The following APBB2 variants were observed in gnomAD, a reference collection of about 807,000 sequenced individuals.
APBB2 encodes amyloid beta precursor protein binding family B member 2, also known as Fe65-like 1.
APBB2 carries 38 observed loss-of-function variants against 82.5 expected under a neutral mutation model. The ratio of observed to expected loss-of-function variants is 0.46; its 90% CI spans 0.36 to 0.60. The LOEUF is 0.60. Among genes scored for constraint, APBB2 ranks in the 20% least tolerant of loss-of-function variants. APBB2 has a pLI of 0.00. For synonymous variants in APBB2, 341 were observed against 368.2 expected, an observed-to-expected ratio of 0.93 and a Z score of 0.85; for missense variants, 772 against 972.3, an observed-to-expected ratio of 0.79 and a Z score of 2.74.
intron 10 of APBB2, among the ~76,000 whole-genome samples, chr4:40,919,232 A>G (rs4861331): frequency 0.15 from 22,127 of 152,286 alleles, 2,074 homozygotes; most frequent in Middle Eastern, 0.21. Context: ...AGGCACGCAC[A>G]TGCACTTACT....
At position 41,019,037 on chromosome 4, in the gene APBB2, G is replaced by C. The variant is rs1356566052; in HGVS notation, c.20-4639C>G. The stretch of plus-strand genomic sequence containing the variant: ...CCACTTGGATTCAGAAGTGAGGATT[G>C]AAGAGTCTGGTGAATTGAGTAATTA... On this transcript the variant is annotated intron_variant, in intron 5 of 17. Coordinates refer to ENST00000508593, the MANE Select transcript of APBB2 (RefSeq NM_004307.2). 2.0e-5 allele frequency among the ~76,000 whole-genome samples: 3 copies of C among 152,222 alleles called. No homozygotes were observed. In the East Asian group the frequency reaches 5.8e-4, roughly 29 times the overall value.
At chr4:40,947,021 C>A (rs1788644061) in intron 6 of APBB2, among the ~76,000 whole-genome samples, 1 of 152,196 alleles carries the variant, frequency 6.6e-6, no homozygotes, top group Non-Finnish European at 1.5e-5. Context: ...CCCCCTGTCC[C>A]CACAGGGAGT....
intron 3 of APBB2, among the ~76,000 whole-genome samples, chr4:41,094,162 G>A (rs1742722080): frequency 6.6e-6 from 1 of 152,162 alleles, no homozygotes; most frequent in South Asian, 2.1e-4. Context: ...ATTGGCCCAA[G>A]GGGCTCCACA....
chr4:41,113,520 T>C (rs564884927), intron 2 of APBB2, among the ~76,000 whole-genome samples: 6 of 152,164 alleles, frequency 3.9e-5, no homozygotes, highest in Middle Eastern at 3.4e-3. Flanking sequence ...TAAAGAGTAT[T>C]CAAATAAAAA....
intron 1 of APBB2, among the ~76,000 whole-genome samples, chr4:41,211,084 A>T (rs1779206320): frequency 6.6e-6 from 1 of 152,000 alleles, no homozygotes; most frequent in South Asian, 2.1e-4. Flanking sequence ...GTGAAACCCC[A>T]TTTCTACTAA....
intron 2 of APBB2, among the ~76,000 whole-genome samples, chr4:41,133,844 C>A (rs975419444): frequency 6.6e-6 from 1 of 152,156 alleles, no homozygotes; most frequent in Non-Finnish European, 1.5e-5. Context: ...CTTCTTCCTT[C>A]CTTCTCTAAG....
chr4:41,076,223 G>A (rs1362985950), intron 3 of APBB2, among the ~76,000 whole-genome samples: 2 of 152,238 alleles, frequency 1.3e-5, no homozygotes, highest in African/African-American at 4.8e-5. Flanking sequence ...CAAAGAACTT[G>A]AGGAAAGTGT....
chr4:40,813,808 A>T lies in APBB2; in HGVS notation c.*2284T>A, dbSNP rs1350408048. The T allele has an allele frequency of 6.6e-6, 1 of 152,212 alleles. No homozygotes were observed. The highest frequency in any genetic ancestry group is 1.5e-5 in the Non-Finnish European group (1 of 68,044). The allele number at this position is 152,212 out of a possible 1,614,324, so 9.4% of individuals were successfully genotyped here. ...AGAATTTTGAAATTTATCACACTAA[A>T]ATGTTTCACTACAGCGACCGAGATG... On this transcript the variant is annotated 3_prime_UTR_variant, in exon 18 of 18. Coordinates refer to ENST00000508593, the MANE Select transcript of APBB2 (RefSeq NM_004307.2).
intron 10 of APBB2, among the ~76,000 whole-genome samples, chr4:40,929,544 C>A (rs1578509556): frequency 6.6e-6 from 1 of 152,166 alleles, no homozygotes; most frequent in African/African-American, 2.4e-5. Flanking sequence ...CGTGATCCAC[C>A]CGCCGTGGCC....
chr4:40,860,376 G>A (rs1762482877), intron 12 of APBB2, among the ~76,000 whole-genome samples: 1 of 152,180 alleles, frequency 6.6e-6, no homozygotes, highest in African/African-American at 2.4e-5. Flanking sequence ...TTGGGGTGGA[G>A]CCTCAATAAA....
chr4:41,032,591 T>A (rs1717261371), intron 5 of APBB2, among the ~76,000 whole-genome samples: 1 of 152,078 alleles, frequency 6.6e-6, no homozygotes. Context: ...TACTCCTTTG[T>A]TGACATTTCA....
chr4:40,904,451 A>G (rs905041201), intron 10 of APBB2, among the ~76,000 whole-genome samples: 1 of 151,216 alleles, frequency 6.6e-6, no homozygotes, highest in African/African-American at 2.4e-5. Flanking sequence ...AAATAAATAA[A>G]TAAATAAATA....
intron 12 of APBB2, among the ~76,000 whole-genome samples, chr4:40,862,856 C>CAA (rs34255688): frequency 3.4e-5 from 4 of 118,616 alleles, no homozygotes; most frequent in Non-Finnish European, 5.3e-5. Context: ...GACTCCATCT[C>CAA]AAAAAAAAAA....
chr4:41,120,338 G>T (rs945673825), intron 2 of APBB2, among the ~76,000 whole-genome samples: 3 of 152,040 alleles, frequency 2.0e-5, no homozygotes, highest in African/African-American at 7.2e-5. Context: ...ACTCACCCAG[G>T]TCCCGCTGTG....
chr4:41,126,348 A>C (rs1754397530), intron 2 of APBB2, among the ~76,000 whole-genome samples: 1 of 152,092 alleles, frequency 6.6e-6, no homozygotes, highest in African/African-American at 2.4e-5. Flanking sequence ...ACACCTCTGC[A>C]CTCCAGTCTG....
chr4:40,940,058 G>C (rs191249661), intron 7 of APBB2, among the ~76,000 whole-genome samples: 23 of 152,298 alleles, frequency 1.5e-4, no homozygotes, highest in African/African-American at 5.5e-4. Flanking sequence ...TCAGCAAATA[G>C]TTAATGAATG....
chr4:40,880,974 C>T (rs759540278), intron 12 of APBB2: 14 of 985,328 alleles, frequency 1.4e-5, no homozygotes, highest in African/African-American at 8.7e-5. Flanking sequence ...AATGCCCTCC[C>T]ACTTTCCTCT....
chr4:40,856,430 G>A (rs1761204758), intron 12 of APBB2, among the ~76,000 whole-genome samples: 2 of 152,174 alleles, frequency 1.3e-5, no homozygotes, highest in Non-Finnish European at 2.9e-5. Flanking sequence ...AGCTGGCTGC[G>A]TTTCTACATT....
chr4:40,982,265 A>G (rs71624485), intron 6 of APBB2, among the ~76,000 whole-genome samples: 3,231 of 28,312 alleles, frequency 0.11, 299 homozygotes, highest in Non-Finnish European at 0.17. Context: ...AAAGAAAGAA[A>G]GAAAGAAAGA....
Sources: gnomAD v4.1 joint callset for allele counts (sites outside exome capture counted in the v4.1 genomes callset) on GRCh38, gnomAD v4.1.1 for gene constraint, MANE v1.5 for transcripts, NCBI Gene and HGNC (gene_info 2026-07-23, HGNC 2026-07-21) for gene names.